The following ACAP1 variants were observed in gnomAD, a reference collection of about 807,000 sequenced individuals.
The protein encoded by ACAP1 is arf-GAP with coiled-coil, ANK repeat and PH domain-containing protein 1.
Under a neutral mutation model 98.8 loss-of-function variants are expected in ACAP1, and 45 were observed. That is an observed-to-expected ratio of 0.46 (90% confidence interval 0.36 to 0.58). The LOEUF (loss-of-function observed/expected upper bound fraction) is 0.58. Among genes scored for constraint, ACAP1 ranks in the 20% least tolerant of loss-of-function variants. ACAP1 has a pLI of 0.00. For synonymous variants in ACAP1, 362 were observed against 375.3 expected (o/e 0.96, Z 0.41); for missense variants, 735 against 971.4 (o/e 0.76, Z 3.24).
Position 7,347,886 on chromosome 17 carries a change from T to G in ACAP1, c.1344-36T>G, listed in dbSNP as rs760458355. The G allele has an allele frequency of 1.9e-6, 3 of 1,591,254 alleles. No homozygotes were observed. In the African/African-American group the frequency reaches 4.0e-5, roughly 21 times the overall value. On this transcript the variant is annotated intron_variant, in intron 14 of 21. Coordinates refer to ENST00000158762, the MANE Select transcript of ACAP1 (RefSeq NM_014716.4). ...GCAGCTCCCCAGGCCACTGCCCCCC[T>G]GCACAGGGCCTGACCCTCCCCCTCT...
At chr17:7,337,091 C>T (rs1430764769) in intron 1 of ACAP1, among the ~76,000 whole-genome samples, 1 of 152,176 alleles carries the variant, frequency 6.6e-6, no homozygotes, top group Non-Finnish European at 1.5e-5. Context: ...ACTTCCTGCC[C>T]TGGCCACATC....
At position 7,343,619 on chromosome 17, in the gene ACAP1, CT is replaced by C. The variant is rs1165955180; in HGVS notation, c.528+59del. ...CAGAGCCTCAAGTGTCACCTCGAGG[CT>C]TGGGGGTCTCCAGTGTGCAGTGGGA... On this transcript the variant is annotated intron_variant, in intron 6 of 21. Coordinates refer to ENST00000158762, the MANE Select transcript of ACAP1 (RefSeq NM_014716.4). This position sits in a 1 kb window ranked among gnomAD's most constrained non-coding sequence, Gnocchi z 4.9. The C allele has an allele frequency of 1.3e-6, 2 of 1,596,612 alleles. No homozygotes were observed. The highest frequency in any genetic ancestry group is 1.7e-6 in the Non-Finnish European group (2 of 1,168,928).
intron 2 of ACAP1, among the ~76,000 whole-genome samples, chr17:7,340,187 C>T (rs1053621334): frequency 2.0e-5 from 3 of 151,738 alleles, no homozygotes; most frequent in African/African-American, 7.3e-5. Flanking sequence ...TTGGAGGATC[C>T]CTTGAACCCA....
In ACAP1 at chr17:7,351,343, C is replaced by T; in HGVS notation, c.2171C>T (p.Ser724Leu). The change falls in exon 22 of 22, where the codon TCA becomes TTA. Residue 724 changes from serine to leucine, a missense_variant. By Grantham distance (145) the Ser-to-Leu change is moderately radical (BLOSUM62 -2). Transcript: ENST00000158762. Reference protein sequence around the residue: ...DIFRDFSLMASDDPEKLSRRS... With the variant: ...DIFRDFSLMALDDPEKLSRRS... ...TTCCGCGACTTCTCCCTCATGGCGT[C>T]AGACGACCCGGAGAAGCTGAGCCGT... 6.2e-7 allele frequency: 1 copy of T among 1,613,880 alleles called. No homozygotes were observed. The highest frequency in any genetic ancestry group is 8.5e-7 in the Non-Finnish European group (1 of 1,179,862).
At chr17:7,339,599 G>A (rs1281919436) in intron 2 of ACAP1, among the ~76,000 whole-genome samples, 1 of 152,178 alleles carries the variant, frequency 6.6e-6, no homozygotes, top group Non-Finnish European at 1.5e-5. Context: ...AGGTCGCAAT[G>A]AGCCGAGATC....
At chr17:7,349,379 C>CTT (rs1393015366) in intron 18 of ACAP1, 2,891 of 386,808 alleles carry the variant, frequency 7.5e-3, no homozygotes, top group Middle Eastern at 0.017. Context: ...TTACAGGAGA[C>CTT]TTTTTTTTTT....
intron 2 of ACAP1, among the ~76,000 whole-genome samples, chr17:7,337,650 T>C (rs2073234751): frequency 6.6e-6 from 1 of 152,094 alleles, no homozygotes; most frequent in Non-Finnish European, 1.5e-5. Context: ...GGTCAGGAGT[T>C]CTAGACCAGC....
At chr17:7,338,247 A>T (rs1468958025) in intron 2 of ACAP1, among the ~76,000 whole-genome samples, 2 of 151,860 alleles carry the variant, frequency 1.3e-5, no homozygotes, top group African/African-American at 4.8e-5. Flanking sequence ...ACAAATAATA[A>T]TTTTATTTTT....
At chr17:7,351,027 A>G (rs2073404018) in intron 21 of ACAP1, 28 bp downstream of exon 21, 1 of 1,608,512 alleles carries the variant, frequency 6.2e-7, no homozygotes, top group South Asian at 1.1e-5. Flanking sequence ...CCCACCCCCC[A>G]GGCCCAACAC....
rs2073326424 is a variant in ACAP1 at position 7,344,250 on chromosome 17, G to GA, written c.744+131dup. 1 of 1,139,790 alleles carries GA rather than the reference G, an allele frequency of 8.8e-7. No homozygotes were observed. The highest frequency in any genetic ancestry group is 2.6e-5 in the East Asian group (1 of 38,806). The allele number at this position is 1,139,790 out of a possible 1,614,324, so 70.6% of individuals were successfully genotyped here. A position where few individuals can be genotyped will look rare whatever the true frequency, so the allele number is the denominator to read the frequency against. ...ATCGTAGTGAAACTCCATCTCTACA[G>GA]AAAATTTTAAAATTAGCTGGTGTGG... On this transcript the variant is annotated intron_variant, in intron 9 of 21. Transcript: ENST00000158762. The surrounding 1 kb of genome is among the most constrained non-coding windows in gnomAD (Gnocchi z 4.9).
At position 7,348,197 on chromosome 17, in the gene ACAP1, A is replaced by T; in HGVS notation, c.1484A>T (p.Lys495Met). ...GCCCGCGTGGAGGCCATGGCAGTGA[A>T]GAAACCAGGGCCCAGCTGCTCCCGG... ...YEARVEAMAV[K>M]KPGPSCSRQE... Residue 495 changes from lysine (K) to methionine (M), a missense_variant, in exon 16 of 22, where the codon AAG becomes ATG. Lys to Met is a moderately conservative substitution (Grantham distance 95). Around this residue, in one of 5 missense-constraint regions of ACAP1, gnomAD observed 81 missense variants for 132.0 expected, o/e 0.61. Coordinates refer to ENST00000158762, the MANE Select transcript of ACAP1 (RefSeq NM_014716.4). The T allele has an allele frequency of 6.2e-7, 1 of 1,614,030 alleles. No homozygotes were observed. The highest frequency in any genetic ancestry group is 8.5e-7 in the Non-Finnish European group (1 of 1,179,932).
In ACAP1 at chr17:7,336,576, T is replaced by A. The variant is rs764786203; in HGVS notation, c.-159T>A. The A allele has an allele frequency of 6.9e-6, 5 of 721,046 alleles. No individual in the cohort carries two copies. Among genetic ancestry groups the A allele is most frequent in the South Asian group, 4.8e-5 (3 of 62,740 alleles). 44.7% of individuals were successfully genotyped at this position (721,046 alleles called of 1,614,324 possible). A position where few individuals can be genotyped will look rare whatever the true frequency, so the allele number is the denominator to read the frequency against. ...TGAGAGCTCCTCCTAGGACACCCCT[T>A]TCCCCTTGGGGAAAGAATTGTGCCC... is the stretch of plus-strand genomic sequence containing the variant. On this transcript the variant is annotated 5_prime_UTR_variant, in exon 1 of 22. Transcript: ENST00000158762.
chr17:7,342,173 G>A (rs2073289646), intron 3 of ACAP1, 102 bp from the exon 4 acceptor site: 2 of 1,607,216 alleles, frequency 1.2e-6, no homozygotes, highest in East Asian at 2.2e-5. Flanking sequence ...GCCACAGCAG[G>A]GCTGGGCTGC....
At position 7,350,511 on chromosome 17, in the gene ACAP1, G is replaced by A. The variant is rs1442219666; in HGVS notation, c.2072+274G>A. The A allele has an allele frequency of 9.4e-6, 5 of 534,704 alleles. No homozygotes were observed. Among genetic ancestry groups the A allele is most frequent in the Middle Eastern group, 5.0e-4 (1 of 2,008 alleles). 33.1% of individuals were successfully genotyped at this position (534,704 alleles called of 1,614,324 possible). A position where few individuals can be genotyped will look rare whatever the true frequency, so the allele number is the denominator to read the frequency against. Reference sequence around the variant, plus strand: ...ATTCGCCCATCAACATTGCTGTCAGGCATCTTTTTAGCACTAGACGTGACC... The same window carrying A: ...ATTCGCCCATCAACATTGCTGTCAGACATCTTTTTAGCACTAGACGTGACC... On this transcript the variant is annotated intron_variant, in intron 20 of 21. Transcript: ENST00000158762. The surrounding 1 kb of genome is among the most constrained non-coding windows in gnomAD (Gnocchi z 4.6).
At chr17:7,338,943 T>C (rs2073247391) in intron 2 of ACAP1, among the ~76,000 whole-genome samples, 1 of 151,808 alleles carries the variant, frequency 6.6e-6, no homozygotes, top group South Asian at 2.1e-4. Flanking sequence ...TGACATCTTA[T>C]ACAATACTAG....
At position 7,342,121 on chromosome 17, in the gene ACAP1, G is replaced by A. The variant is rs575192756; in HGVS notation, c.231+54G>A. ...AAGGGGTCTGGGATGAGGAGGTGAT[G>A]CTGTGGAAGAGGAGGGCTGGCCTGG... On this transcript the variant is annotated intron_variant, in intron 3 of 21. Coordinates refer to ENST00000158762, the MANE Select transcript of ACAP1 (RefSeq NM_014716.4). 3.1e-6 allele frequency: 5 copies of A among 1,609,438 alleles called. No individual in the cohort carries two copies. The East Asian group carries it at 8.9e-5, about 29-fold the overall frequency.
In ACAP1 at chr17:7,342,313, G is replaced by A. The variant is rs374049353; in HGVS notation, c.270G>A (p.Lys90=). ...LEKFTVSLNH[K]LDSHAELLDA... Reference sequence around the variant, plus strand: ...AATTCACCGTGAGCCTGAACCACAAGCTGGACAGCCATGCGGTAAGTAGGG... The same window carrying A: ...AATTCACCGTGAGCCTGAACCACAAACTGGACAGCCATGCGGTAAGTAGGG... The change falls in exon 4 of 22, where the codon AAG becomes AAA. Residue 90 remains lysine, a synonymous_variant. Coordinates refer to ENST00000158762, the MANE Select transcript of ACAP1 (RefSeq NM_014716.4). The A allele has an allele frequency of 8.1e-6, 13 of 1,614,076 alleles. No homozygotes were observed. In the African/African-American group the frequency reaches 1.5e-4, roughly 18 times the overall value.
Position 7,343,070 on chromosome 17 carries a change from A to T in ACAP1, c.345-309A>T, listed in dbSNP as rs2073306418. 3.3e-6 allele frequency: 1 copy of T among 299,178 alleles called. No individual in the cohort carries two copies. The highest frequency in any genetic ancestry group is 2.2e-5 in the African/African-American group (1 of 46,026). 18.5% of individuals were successfully genotyped at this position (299,178 alleles called of 1,614,324 possible). On this transcript the variant is annotated intron_variant, in intron 5 of 21. Coordinates refer to ENST00000158762, the MANE Select transcript of ACAP1 (RefSeq NM_014716.4). The surrounding 1 kb of genome is among the most constrained non-coding windows in gnomAD (Gnocchi z 4.9). ...ACTCCAGCCTGGGTAACAGAGCAAG[A>T]CCCGGTCTCAAAAACAAAAACAACA...
chr17:7,348,258 A>T, intron 16 of ACAP1, 37 bp downstream of exon 16: 2 of 1,610,474 alleles, frequency 1.2e-6, no homozygotes, highest in Non-Finnish European at 1.7e-6. Flanking sequence ...GGAATGGGGG[A>T]CCCCTGGAGC....
Sources: allele counts gnomAD v4.1 joint callset (sites outside exome capture counted in the v4.1 genomes callset), GRCh38; gene constraint gnomAD v4.1.1; regional missense constraint gnomAD v4.1.1; non-coding constraint Gnocchi (gnomAD v3.1); transcripts MANE v1.5; gene names NCBI Gene and HGNC (gene_info 2026-07-23, HGNC 2026-07-21).